ANO6: variants seen among roughly 807,000 people sequenced by gnomAD.
ANO6 encodes anoctamin-6.
In ANO6, 106 loss-of-function variants were observed where a neutral mutation model predicts 117.5. The ratio of observed to expected loss-of-function variants is 0.90; its 90% CI spans 0.77 to 1.06. ANO6 has a LOEUF of 1.06. ANO6 is among the 50% of genes least tolerant of loss of function. ANO6 has a pLI of 0.00. For synonymous variants in ANO6, 367 were observed against 385.1 expected (o/e 0.95, Z 0.55); for missense variants, 955 against 1,121.1 (o/e 0.85, Z 2.12).
At chr12:45,396,080 T>C (rs1238775795) in intron 12 of ANO6, among the ~76,000 whole-genome samples, 1 of 152,202 alleles carries the variant, frequency 6.6e-6, no homozygotes, top group Non-Finnish European at 1.5e-5. Flanking sequence ...CATGATTTTA[T>C]ATTTAGAAAA....
intron 2 of ANO6, among the ~76,000 whole-genome samples, chr12:45,307,123 G>A (rs1046866610): frequency 3.3e-5 from 5 of 152,254 alleles, no homozygotes; most frequent in African/African-American, 9.6e-5. Context: ...TCTGAGTTGG[G>A]AAGTCATTTG....
intron 1 of ANO6, among the ~76,000 whole-genome samples, chr12:45,250,014 ACAAAAGG>A (rs914307730): frequency 1.1e-4 from 17 of 152,338 alleles, no homozygotes; most frequent in Admixed American, 1.0e-3. Flanking sequence ...AACTGTTCAC[ACAAAAGG>A]CTAACCTTGG....
chr12:45,319,363 A>G (rs919257622), intron 2 of ANO6, among the ~76,000 whole-genome samples: 2 of 152,202 alleles, frequency 1.3e-5, no homozygotes, highest in Non-Finnish European at 2.9e-5. Flanking sequence ...TTCTGCATCT[A>G]TTGAGATAAT....
intron 8 of ANO6, among the ~76,000 whole-genome samples, chr12:45,363,164 A>G (rs1411608757): frequency 6.6e-6 from 1 of 152,128 alleles, no homozygotes; most frequent in Non-Finnish European, 1.5e-5. Context: ...CCATTGGAGC[A>G]TCCCAAATCC....
intron 1 of ANO6, among the ~76,000 whole-genome samples, chr12:45,217,270 C>CT (rs1947330931): frequency 6.6e-6 from 1 of 152,112 alleles, no homozygotes; most frequent in Admixed American, 6.5e-5. Context: ...CCAGAAGACT[C>CT]TAATTAAATT....
intron 2 of ANO6, among the ~76,000 whole-genome samples, chr12:45,302,770 G>A (rs1035178933): frequency 5.3e-5 from 8 of 152,102 alleles, no homozygotes; most frequent in African/African-American, 1.9e-4. Context: ...GGCTCATTTG[G>A]AGGGCGGGGA....
At chr12:45,390,736 C>A (rs1025819888) in intron 12 of ANO6, among the ~76,000 whole-genome samples, 42 of 147,080 alleles carry the variant, frequency 2.9e-4, no homozygotes, top group Middle Eastern at 3.2e-3. Context: ...TTCACCTCAT[C>A]TGTTAAATCA....
intron 1 of ANO6, among the ~76,000 whole-genome samples, chr12:45,300,848 AC>A (rs1939459024): frequency 6.6e-6 from 1 of 152,230 alleles, no homozygotes; most frequent in African/African-American, 2.4e-5. Context: ...ATTTGTTTAA[AC>A]CAGGATCCAA....
At chr12:45,273,876 T>C (rs973282267) in intron 1 of ANO6, among the ~76,000 whole-genome samples, 2 of 152,194 alleles carry the variant, frequency 1.3e-5, no homozygotes, top group Non-Finnish European at 2.9e-5. Flanking sequence ...AATACACTTA[T>C]GGGTAAGGAA....
At chr12:45,223,344 T>C (rs981953163) in intron 1 of ANO6, among the ~76,000 whole-genome samples, 2 of 152,190 alleles carry the variant, frequency 1.3e-5, no homozygotes, top group Non-Finnish European at 2.9e-5. Flanking sequence ...CAGAATTCAC[T>C]TGGAGGATAC....
In ANO6 at chr12:45,348,324, A is replaced by C. The variant is rs1335726386; in HGVS notation, c.633+9A>C. On this transcript the variant is annotated intron_variant, in intron 5 of 19. Transcript: ENST00000320560. ...CCACCAGAAGCCGCATTGTAAGTCT[A>C]AACCAAATTTAGTTGCTGTCTTGGG... 1.2e-6 allele frequency: 2 copies of C among 1,614,018 alleles called. No individual in the cohort carries two copies. Among genetic ancestry groups the C allele is most frequent in the Non-Finnish European group, 1.7e-6 (2 of 1,179,948 alleles).
chr12:45,361,624 T>C (rs1450232339), intron 8 of ANO6, among the ~76,000 whole-genome samples: 1 of 152,148 alleles, frequency 6.6e-6, no homozygotes, highest in African/African-American at 2.4e-5. Flanking sequence ...ATACTAGGTG[T>C]GGGTTTTTTC....
At chr12:45,358,654 C>T (rs1433303867) in intron 8 of ANO6, among the ~76,000 whole-genome samples, 1 of 152,198 alleles carries the variant, frequency 6.6e-6, no homozygotes, top group Admixed American at 6.5e-5. Flanking sequence ...TGGGGATATA[C>T]TGCCTGTGCT....
chr12:45,429,358 A>G lies in ANO6; in HGVS notation c.*47A>G, dbSNP rs766662217. On this transcript the variant is annotated 3_prime_UTR_variant, in exon 20 of 20. Transcript: ENST00000320560. ...ACTTTAAGGAATTTAGCTTTGTCAA[A>G]ATATATTAGGAATCACTAATGAGAA... 1.9e-6 allele frequency: 3 copies of G among 1,594,450 alleles called. No individual in the cohort carries two copies. The highest frequency in any genetic ancestry group is 2.3e-5 in the East Asian group (1 of 43,512).
chr12:45,352,901 T>C (rs1219901521), intron 7 of ANO6, among the ~76,000 whole-genome samples: 2 of 152,188 alleles, frequency 1.3e-5, no homozygotes, highest in South Asian at 2.1e-4. Context: ...CACTGTTTAT[T>C]TCTTGTTTTC....
intron 16 of ANO6, 47 bp from the exon 17 acceptor site, chr12:45,416,652 C>G (rs1340050762): frequency 1.9e-6 from 3 of 1,582,116 alleles, no homozygotes; most frequent in Middle Eastern, 3.3e-4. Context: ...AATATGTTGT[C>G]CTTCCATCCA....
chr12:45,434,617 A>T (rs1433487933), downstream of ANO6, among the ~76,000 whole-genome samples: 1 of 152,222 alleles, frequency 6.6e-6, no homozygotes, highest in Non-Finnish European at 1.5e-5. Context: ...CAGGGAAATA[A>T]AAGACAATTA....
chr12:45,306,252 G>T (rs1209360301), intron 2 of ANO6, among the ~76,000 whole-genome samples: 1 of 152,180 alleles, frequency 6.6e-6, no homozygotes, highest in South Asian at 2.1e-4. Context: ...GAAGCTGGAA[G>T]ATTCTTCTTG....
Position 45,432,071 on chromosome 12 carries a change from A to AAG in ANO6, c.*2761_*2762insGA. On this transcript the variant is annotated 3_prime_UTR_variant, in exon 20 of 20. Transcript: ENST00000320560. ...TGTGCCTTGAATTTCATAAAACATT[A>AAG]ATTCACAATGGGGGTCAGAATGTAC... 5 of 985,398 alleles carry AAG rather than the reference A, an allele frequency of 5.1e-6. No individual in the cohort carries two copies. Among genetic ancestry groups the AAG allele is most frequent in the Non-Finnish European group, 6.0e-6 (5 of 829,920 alleles). 61.0% of individuals were successfully genotyped at this position (985,398 alleles called of 1,614,324 possible). A position where few individuals can be genotyped will look rare whatever the true frequency, so the allele number is the denominator to read the frequency against.
Sources: gnomAD v4.1 joint callset for allele counts (sites outside exome capture counted in the v4.1 genomes callset) on GRCh38, gnomAD v4.1.1 for gene constraint, MANE v1.5 for transcripts, NCBI Gene and HGNC (gene_info 2026-07-23, HGNC 2026-07-21) for gene names.